The following PDE4D variants were observed in gnomAD, a reference collection of about 807,000 sequenced individuals.
PDE4D encodes 3',5'-cyclic-AMP phosphodiesterase 4D.
A neutral mutation model predicts 87.4 loss-of-function variants in PDE4D; 24 were observed. The observed-to-expected ratio is 0.27, with a 90% CI of 0.20 to 0.39. The LOEUF (loss-of-function observed/expected upper bound fraction) is 0.39, where lower values mean the gene tolerates loss of function less well. Ranked by LOEUF, PDE4D falls within the 10% of genes least tolerant of loss-of-function variation. The pLI is 1.00. For missense variants in PDE4D, 714 were observed against 1,041.0 expected (o/e 0.69, Z 4.32); for synonymous variants, 384 against 383.2 (o/e 1.00, Z -0.02).
At chr5:60,013,875 AG>A (rs1179689585) in intron 2 of PDE4D, among the ~76,000 whole-genome samples, 5 of 83,516 alleles carry the variant, frequency 6.0e-5, no homozygotes, top group African/African-American at 3.6e-5. Flanking sequence ...AAATCTGACC[AG>A]CCTGCAAGAG....
Position 59,456,421 on chromosome 5 carries a change from T to C in PDE4D, c.456-240453A>G, listed in dbSNP as rs534597438. On this transcript the variant is annotated intron_variant, in intron 1 of 14. Coordinates refer to ENST00000340635, the MANE Select transcript of PDE4D (RefSeq NM_001104631.2). Reference sequence around the variant, plus strand: ...ACTTGCTCCTCCTTGCCCTCCGCCATGACTGTGAGTCCTTCCTAGCCATGT... The same window carrying C: ...ACTTGCTCCTCCTTGCCCTCCGCCACGACTGTGAGTCCTTCCTAGCCATGT... 3.3e-5 allele frequency among the ~76,000 whole-genome samples: 5 copies of C among 152,214 alleles called. No homozygotes were observed. In the South Asian group the frequency reaches 1.0e-3, roughly 32 times the overall value.
intron 1 of PDE4D, among the ~76,000 whole-genome samples, chr5:59,726,295 G>C (rs1018046494): frequency 6.6e-6 from 1 of 151,992 alleles, no homozygotes; most frequent in Non-Finnish European, 1.5e-5. Flanking sequence ...AAATTATATG[G>C]TCATAAGCCT....
At chr5:59,574,128 TTATATA>T (rs1219370587) in intron 1 of PDE4D, among the ~76,000 whole-genome samples, 15 of 3,824 alleles carry the variant, frequency 3.9e-3, no homozygotes, top group African/African-American at 9.6e-3. Flanking sequence ...AAATATATAT[TTATATA>T]TATATATATA....
At chr5:59,595,495 ATGT>A (rs1015093845) in intron 1 of PDE4D, among the ~76,000 whole-genome samples, 92 of 152,168 alleles carry the variant, frequency 6.0e-4, no homozygotes, top group African/African-American at 2.1e-3. Flanking sequence ...ACCGATTTTT[ATGT>A]TGTTGTAAGA....
intron 1 of PDE4D, among the ~76,000 whole-genome samples, chr5:59,568,613 G>A (rs577018365): frequency 1.3e-5 from 2 of 152,018 alleles, no homozygotes; most frequent in Admixed American, 1.3e-4. Context: ...ATGGAAAAAT[G>A]GCACATTACC....
intron 1 of PDE4D, among the ~76,000 whole-genome samples, chr5:59,482,161 T>A (rs1384552427): frequency 1.3e-5 from 2 of 152,182 alleles, no homozygotes; most frequent in African/African-American, 2.4e-5. Context: ...CTCCAGCTTG[T>A]GAATTAACAA....
intron 2 of PDE4D, among the ~76,000 whole-genome samples, chr5:60,036,513 T>G (rs1249425446): frequency 1.3e-5 from 2 of 152,214 alleles, no homozygotes; most frequent in East Asian, 1.9e-4. Context: ...CCTAATAATT[T>G]ATTCAACTTT....
At chr5:59,972,104 G>A (rs1256684619) in intron 3 of PDE4D, among the ~76,000 whole-genome samples, 1 of 152,144 alleles carries the variant, frequency 6.6e-6, no homozygotes, top group Non-Finnish European at 1.5e-5. Flanking sequence ...CATATGTGAT[G>A]GTCTGAGCCA....
At chr5:59,877,480 A>T (rs1319838335) in intron 1 of PDE4D, among the ~76,000 whole-genome samples, 104 of 37,180 alleles carry the variant, frequency 2.8e-3, no homozygotes, top group Non-Finnish European at 4.3e-3. Context: ...GCCAGAACCT[A>T]AAAAAAAAAA....
chr5:60,013,749 A>G (rs192752279), intron 2 of PDE4D, among the ~76,000 whole-genome samples: 7 of 152,260 alleles, frequency 4.6e-5, no homozygotes, highest in African/African-American at 1.4e-4. Flanking sequence ...GCCTTGCCAT[A>G]TGACTTACTT....
chr5:59,910,308 G>C (rs770524348), intron 3 of PDE4D, among the ~76,000 whole-genome samples: 4 of 152,148 alleles, frequency 2.6e-5, no homozygotes, highest in African/African-American at 9.7e-5. Flanking sequence ...ATTTTGAAAT[G>C]ATTAAATCAA....
intron 1 of PDE4D, among the ~76,000 whole-genome samples, chr5:59,299,647 A>C (rs890056190): frequency 1.3e-5 from 2 of 152,186 alleles, no homozygotes; most frequent in African/African-American, 4.8e-5. Flanking sequence ...GTTTTTGGTA[A>C]ATATGGAAAC....
At chr5:60,473,832 G>C (rs996382865) in intron 1 of PDE4D, among the ~76,000 whole-genome samples, 8 of 151,512 alleles carry the variant, frequency 5.3e-5, no homozygotes, top group Non-Finnish European at 1.0e-4. Flanking sequence ...CCTCCCCACT[G>C]TTTGATGTAC....
chr5:60,186,996 C>T (rs949747719), intron 1 of PDE4D, among the ~76,000 whole-genome samples: 3 of 152,020 alleles, frequency 2.0e-5, no homozygotes, highest in Non-Finnish European at 2.9e-5. Flanking sequence ...TAAGAGGTCC[C>T]GTAACAGCAA....
intron 1 of PDE4D, among the ~76,000 whole-genome samples, chr5:60,471,685 T>C (rs1035267726): frequency 6.6e-6 from 1 of 152,188 alleles, no homozygotes; most frequent in African/African-American, 2.4e-5. Flanking sequence ...GCAGGCTCAG[T>C]GATCATTAGC....
At chr5:59,195,004 G>A (rs1745144991) in intron 2 of PDE4D, among the ~76,000 whole-genome samples, 1 of 152,112 alleles carries the variant, frequency 6.6e-6, no homozygotes, top group Non-Finnish European at 1.5e-5. Context: ...TTGTTATAAA[G>A]TGAGCCCAGC....
chr5:59,660,712 C>T (rs1745099967), intron 1 of PDE4D, among the ~76,000 whole-genome samples: 1 of 152,004 alleles, frequency 6.6e-6, no homozygotes, highest in Non-Finnish European at 1.5e-5. Context: ...ACAATTTTGA[C>T]CTGTGGATTT....
At chr5:60,277,856 C>T (rs913008153) in intron 1 of PDE4D, among the ~76,000 whole-genome samples, 1 of 152,056 alleles carries the variant, frequency 6.6e-6, no homozygotes, top group Non-Finnish European at 1.5e-5. Flanking sequence ...CCTCTTTGAA[C>T]GTCCCTTTAA....
At chr5:59,553,000 A>AT (rs1818360037) in intron 1 of PDE4D, among the ~76,000 whole-genome samples, 1 of 152,160 alleles carries the variant, frequency 6.6e-6, no homozygotes, top group Non-Finnish European at 1.5e-5. Flanking sequence ...GTTTGGAAAC[A>AT]TTTTCTCAGA....
Sources: gnomAD v4.1 joint callset for allele counts (sites outside exome capture counted in the v4.1 genomes callset) on GRCh38, gnomAD v4.1.1 for gene constraint, MANE v1.5 for transcripts, NCBI Gene and HGNC (gene_info 2026-07-23, HGNC 2026-07-21) for gene names.